Variants in CYTH1 observed in about 807,000 individuals in gnomAD.
CYTH1 encodes the protein cytohesin 1, also known as cytohesin-1.
CYTH1 carries 18 observed loss-of-function variants against 61.8 expected under a neutral mutation model. The ratio of observed to expected loss-of-function variants is 0.29; its 90% CI spans 0.20 to 0.43. The LOEUF (loss-of-function observed/expected upper bound fraction) is 0.43, where lower values mean the gene tolerates loss of function less well. Among genes scored for constraint, CYTH1 ranks in the 20% least tolerant of loss-of-function variants. The probability of loss-of-function intolerance (pLI) is 1.00; values close to 1 mark genes in which losing one functional copy is unlikely to be tolerated. For synonymous variants in CYTH1, 174 were observed against 184.3 expected (o/e 0.94, Z 0.45); for missense variants, 336 against 510.5 (o/e 0.66, Z 3.29).
In CYTH1 at chr17:78,720,726, TTAGCCACATGTGG is replaced by T. The variant is rs572458988; in HGVS notation, c.23-11007_23-10995del. On this transcript the variant is annotated intron_variant, in intron 1 of 13. Transcript: ENST00000446868. ...CTCATCTCTACAAAAAATACAAAAG[TTAGCCACATGTGG>T]TGGCACGCACTTGTAGTCCCAGCTA... 2.2e-3 allele frequency among the ~76,000 whole-genome samples: 335 copies of T among 152,310 alleles called. 2 individuals carry two copies. The highest frequency in any genetic ancestry group is 7.5e-3 in the African/African-American group (312 of 41,578).
At chr17:78,697,385 G>C (rs2092951108) in intron 9 of CYTH1, among the ~76,000 whole-genome samples, 3 of 149,686 alleles carry the variant, frequency 2.0e-5, no homozygotes, top group African/African-American at 7.4e-5. Context: ...TCTATGTTCT[G>C]AAACCATTAA....
intron 1 of CYTH1, among the ~76,000 whole-genome samples, chr17:78,738,236 T>G (rs540220573): frequency 2.0e-5 from 3 of 152,228 alleles, no homozygotes; most frequent in Non-Finnish European, 4.4e-5. Context: ...CTAACTCATC[T>G]AATCCTGAAA....
chr17:78,697,993 A>G (rs773518991), intron 9 of CYTH1, among the ~76,000 whole-genome samples: 4 of 152,220 alleles, frequency 2.6e-5, no homozygotes, highest in Admixed American at 2.6e-4. Context: ...GGCAATGACT[A>G]TGAAGTCACT....
chr17:78,700,371 C>T lies in CYTH1; in HGVS notation c.510G>A (p.Gln170=). ...KIDRMMEAFA[Q]RYCQCNNGVF... is the part of the protein sequence containing the mutation. ...CGCCATTATTGCACTGACAATATCG[C>T]TGGGCAAACGCCTCCATCATCCGGT... The change falls in exon 7 of 14, where the codon CAG becomes CAA. Residue 170 remains glutamine, a synonymous_variant. Transcript: ENST00000446868. This position sits in a 1 kb window ranked among gnomAD's most constrained non-coding sequence, Gnocchi z 5.1. 1 of 1,613,570 alleles carries T rather than the reference C, an allele frequency of 6.2e-7. No homozygotes were observed. Among genetic ancestry groups the T allele is most frequent in the Non-Finnish European group, 8.5e-7 (1 of 1,179,696 alleles).
chr17:78,715,346 A>C (rs2093172010), intron 1 of CYTH1, among the ~76,000 whole-genome samples: 1 of 152,206 alleles, frequency 6.6e-6, no homozygotes, highest in Admixed American at 6.5e-5. Flanking sequence ...TTTCAGATAC[A>C]TAAGGATCAG....
chr17:78,708,122 C>A (rs371116998), intron 3 of CYTH1, 75 bp downstream of exon 3: 1 of 1,459,282 alleles, frequency 6.9e-7, no homozygotes, highest in Non-Finnish European at 9.6e-7. Context: ...CAATGTGCCA[C>A]GTAAGCATAA....
intron 1 of CYTH1, among the ~76,000 whole-genome samples, chr17:78,765,491 G>A (rs929691694): frequency 1.3e-5 from 2 of 152,184 alleles, no homozygotes; most frequent in African/African-American, 2.4e-5. Context: ...AGAAGTCTCC[G>A]TCTTCAATAA....
chr17:78,760,507 GTATATATA>G lies in CYTH1; in HGVS notation c.22+21687_22+21694del, dbSNP rs538557662. Reference sequence around the variant, plus strand: ...TATGTATATATATATACATATATATGTATATATATGTATATATATATATACATACATAT... The same window carrying G: ...TATGTATATATATATACATATATATGTGTATATATATATATACATACATAT... On this transcript the variant is annotated intron_variant, in intron 1 of 13. Transcript: ENST00000446868. Among the ~76,000 whole-genome samples, 5 of 28,496 alleles carry G rather than the reference GTATATATA, an allele frequency of 1.8e-4. 1 individual carries two copies. Among genetic ancestry groups the G allele is most frequent in the Admixed American group, 7.6e-4 (2 of 2,616 alleles). 18.7% of individuals were successfully genotyped at this position (28,496 alleles called of 152,430 possible).
intron 11 of CYTH1, among the ~76,000 whole-genome samples, chr17:78,688,050 A>G (rs1172164983): frequency 6.6e-6 from 1 of 152,202 alleles, no homozygotes; most frequent in Non-Finnish European, 1.5e-5. Context: ...TTTCAATCGC[A>G]TCCTGCATAA....
At position 78,696,500 on chromosome 17, in the gene CYTH1, TAC is replaced by T. The variant is rs369893753; in HGVS notation, c.812-493_812-492del. ...ATACACATTCTTATGGCTATATGCATACACAGACATATACACACAGCTACAGA... is the reference window on the plus strand; with the variant it reads ...ATACACATTCTTATGGCTATATGCATACAGACATATACACACAGCTACAGA... On this transcript the variant is annotated intron_variant, in intron 9 of 13. Coordinates refer to ENST00000446868, the MANE Select transcript of CYTH1 (RefSeq NM_004762.6). Among the ~76,000 whole-genome samples, 479 of 152,368 alleles carry T rather than the reference TAC, an allele frequency of 3.1e-3. 1 individual carries two copies. The highest frequency in any genetic ancestry group is 0.011 in the African/African-American group (440 of 41,588).
intron 11 of CYTH1, among the ~76,000 whole-genome samples, chr17:78,682,267 T>A (rs996376007): frequency 6.6e-6 from 1 of 152,132 alleles, no homozygotes; most frequent in African/African-American, 2.4e-5. Flanking sequence ...GTTCCTTTGA[T>A]TTATATTTCT....
At chr17:78,764,911 G>C (rs1334377155) in intron 1 of CYTH1, among the ~76,000 whole-genome samples, 1 of 151,996 alleles carries the variant, frequency 6.6e-6, no homozygotes, top group Non-Finnish European at 1.5e-5. Flanking sequence ...AACATAATGA[G>C]TAGGTTCCCG....
intron 1 of CYTH1, among the ~76,000 whole-genome samples, chr17:78,737,505 G>C (rs748098753): frequency 6.6e-6 from 1 of 150,380 alleles, no homozygotes; most frequent in Non-Finnish European, 1.5e-5. Context: ...CTCACAATGA[G>C]ATAATAGCCC....
At chr17:78,748,435 G>A (rs2093367581) in intron 1 of CYTH1, among the ~76,000 whole-genome samples, 1 of 152,214 alleles carries the variant, frequency 6.6e-6, no homozygotes, top group South Asian at 2.1e-4. Context: ...GGACAACAAT[G>A]CCTAGGTTAT....
rs1567879257 is a variant in CYTH1 at position 78,760,432 on chromosome 17, CATATATATATGTATATATATAT to C, written c.22+21748_22+21769del. 3.9e-3 allele frequency among the ~76,000 whole-genome samples: 160 copies of C among 41,106 alleles called. 3 individuals are homozygous for C. Among genetic ancestry groups the C allele is most frequent in the African/African-American group, 0.014 (133 of 9,500 alleles). 27.0% of individuals were successfully genotyped at this position (41,106 alleles called of 152,430 possible). On this transcript the variant is annotated intron_variant, in intron 1 of 13. Transcript: ENST00000446868. The stretch of plus-strand genomic sequence containing the variant: ...GTGTATATATATATATATACACATA[CATATATATATGTATATATATAT>C]ACATACATATATATATGTATATATA...
chr17:78,747,684 T>A (rs967684980), intron 1 of CYTH1, among the ~76,000 whole-genome samples: 11 of 152,198 alleles, frequency 7.2e-5, no homozygotes, highest in African/African-American at 2.7e-4. Context: ...CCTGGCACAA[T>A]GTTTTCTATG....
At chr17:78,746,357 A>G (rs1244602429) in intron 1 of CYTH1, among the ~76,000 whole-genome samples, 2 of 152,194 alleles carry the variant, frequency 1.3e-5, no homozygotes, top group Admixed American at 1.3e-4. Context: ...ATACATGTAT[A>G]TTCTTCTCTG....
chr17:78,709,229 G>A (rs1224995108), intron 2 of CYTH1: 2 of 168,970 alleles, frequency 1.2e-5, no homozygotes, highest in Admixed American at 1.3e-4. Flanking sequence ...TGAAGTTCAA[G>A]GAACCGGAAC....
intron 13 of CYTH1, among the ~76,000 whole-genome samples, chr17:78,679,409 A>T (rs986108593): frequency 8.2e-5 from 12 of 147,166 alleles, no homozygotes; most frequent in Non-Finnish European, 1.5e-4. Flanking sequence ...TCGCACAGGG[A>T]CTGGAGGGAG....
Sources: gnomAD v4.1 joint callset for allele counts (sites outside exome capture counted in the v4.1 genomes callset) on GRCh38, gnomAD v4.1.1 for gene constraint, Gnocchi (gnomAD v3.1) non-coding constraint, MANE v1.5 for transcripts, NCBI Gene and HGNC (gene_info 2026-07-23, HGNC 2026-07-21) for gene names.